Variants in AFF4 observed in about 807,000 individuals in gnomAD.
AFF4 encodes ALF transcription elongation factor 4.
In AFF4, 13 loss-of-function variants were observed where a neutral mutation model predicts 124.8. That is an observed-to-expected ratio of 0.10 (90% confidence interval 0.07 to 0.17). The LOEUF (loss-of-function observed/expected upper bound fraction) is 0.17, where lower values mean the gene tolerates loss of function less well. Ranked by LOEUF, AFF4 falls within the 10% of genes least tolerant of loss-of-function variation. The pLI is 1.00. For missense variants in AFF4, 1,092 were observed against 1,403.8 expected, an observed-to-expected ratio of 0.78 and a Z score of 3.55; for synonymous variants, 477 against 496.1, an observed-to-expected ratio of 0.96 and a Z score of 0.51.
rs750031934 is a variant in AFF4, at chr5:132,932,226, G to C, written c.919-4C>G. The C allele has an allele frequency of 2.7e-5, 43 of 1,604,694 alleles. No homozygotes were observed. The highest frequency in any genetic ancestry group is 3.3e-5 in the Non-Finnish European group (39 of 1,176,390). On this transcript the variant is annotated splice_polypyrimidine_tract_variant and splice_region_variant and intron_variant, in intron 3 of 20. Coordinates refer to ENST00000265343, the MANE Select transcript of AFF4 (RefSeq NM_014423.4). ...TCACATCACCAGAAGCTGATGCCTTGAAAGAAAAAGCAGCACACATTAGAT... is the reference window on the plus strand; with the variant it reads ...TCACATCACCAGAAGCTGATGCCTTCAAAGAAAAAGCAGCACACATTAGAT...
Position 132,934,288 on chromosome 5 carries a change from G to A in AFF4, c.777C>T (p.Pro259=), listed in dbSNP as rs200345107. 4.5e-5 allele frequency: 73 copies of A among 1,614,176 alleles called. No individual in the cohort carries two copies. The East Asian group carries it at 1.6e-3, about 35-fold the overall frequency. ...MLQKPTAYVR[P]MDGQESMEPK... ...GTTCCATGGACTCCTGTCCGTCCATGGGCCGCACATAGGCAGTGGGTTTCT... is the reference window on the plus strand; with the variant it reads ...GTTCCATGGACTCCTGTCCGTCCATAGGCCGCACATAGGCAGTGGGTTTCT... Residue 259 remains proline (P), a synonymous_variant, in exon 3 of 21, where the codon CCC becomes CCT. Coordinates refer to ENST00000265343, the MANE Select transcript of AFF4 (RefSeq NM_014423.4).
chr5:132,947,939 A>G (rs1000760199), intron 1 of AFF4, among the ~76,000 whole-genome samples: 1 of 152,258 alleles, frequency 6.6e-6, no homozygotes, highest in African/African-American at 2.4e-5. Context: ...ACGTGAAAAC[A>G]AAGATAACAA....
Position 132,937,093 on chromosome 5 carries a change from G to C in AFF4, c.97C>G (p.Pro33Ala). The change falls in exon 2 of 21, where the codon CCT becomes GCT. Residue 33 changes from proline (P) to alanine (A), a missense_variant. Transcript: ENST00000265343. ...ACTTTGTATGGCTCTGCAAAGAGAG[G>C]AGAGCTAGGTGGGAAGGCGTCTTCG... is the stretch of plus-strand genomic sequence containing the variant. ...QGEDAFPPSS[P>A]LFAEPYKVTS... 1 of 1,613,562 alleles carries C rather than the reference G, an allele frequency of 6.2e-7. No individual in the cohort carries two copies. Among genetic ancestry groups the C allele is most frequent in the Non-Finnish European group, 8.5e-7 (1 of 1,179,824 alleles).
chr5:132,893,233 G>C, intron 11 of AFF4, 115 bp from the exon 12 acceptor site: 1 of 849,536 alleles, frequency 1.2e-6, no homozygotes, highest in Non-Finnish European at 1.9e-6. Flanking sequence ...AGATAAAAGA[G>C]AAGTACTATA....
intron 1 of AFF4, chr5:132,942,990 C>A: frequency 4.6e-6 from 1 of 215,494 alleles, no homozygotes; most frequent in South Asian, 8.2e-5. Context: ...AAACTGAAAG[C>A]TGAGTGTGAG....
At chr5:132,926,861 T>C (rs1334817280) in intron 5 of AFF4, 4 of 342,260 alleles carry the variant, frequency 1.2e-5, no homozygotes, top group Non-Finnish European at 2.2e-5. Flanking sequence ...TGTCCGGCTG[T>C]ATTAATGTCT....
intron 1 of AFF4, among the ~76,000 whole-genome samples, chr5:132,952,662 G>A (rs547551464): frequency 9.2e-5 from 14 of 152,214 alleles, no homozygotes; most frequent in Non-Finnish European, 1.9e-4. Flanking sequence ...GGGAGGCCAA[G>A]GCAGGCAGAT....
intron 4 of AFF4, among the ~76,000 whole-genome samples, chr5:132,931,602 TGGCTTGTTAATGTTTTCCA>T (rs1466905027): frequency 6.6e-6 from 1 of 152,244 alleles, no homozygotes; most frequent in Non-Finnish European, 1.5e-5. Context: ...CAGTTATAAT[TGGCTTGTTAATGTTTTCCA>T]GGCAAAGTAA....
Position 132,927,176 on chromosome 5 carries a change from G to A in AFF4, c.995C>T (p.Thr332Met), listed in dbSNP as rs377650855. The change falls in exon 5 of 21, where the codon ACG (threonine) becomes ATG (methionine). Residue 332 changes from threonine to methionine, a missense_variant. Around this residue, in one of 11 missense-constraint regions of AFF4, gnomAD observed 148 missense variants for 196.3 expected, o/e 0.75. Coordinates refer to ENST00000265343, the MANE Select transcript of AFF4 (RefSeq NM_014423.4). ...EMTHSWPPPLTAIHTPCKTEP... is the reference protein window; with the variant it reads ...EMTHSWPPPLMAIHTPCKTEP... Reference sequence around the variant, plus strand: ...TGTTTTGCATGGTGTATGAATAGCCGTTAGAGGGGGAGGCCATGAATGCGT... The same window carrying A: ...TGTTTTGCATGGTGTATGAATAGCCATTAGAGGGGGAGGCCATGAATGCGT... 7 of 1,611,158 alleles carry A rather than the reference G, an allele frequency of 4.3e-6. No homozygotes were observed. The highest frequency in any genetic ancestry group is 5.1e-6 in the Non-Finnish European group (6 of 1,179,080).
At chr5:132,920,854 G>T (rs773267870) in intron 5 of AFF4, among the ~76,000 whole-genome samples, 1 of 151,994 alleles carries the variant, frequency 6.6e-6, no homozygotes, top group African/African-American at 2.4e-5. Context: ...CAGGCCGGGC[G>T]CAGTGGCTCA....
chr5:132,918,097 A>T (rs1054389925), intron 5 of AFF4, among the ~76,000 whole-genome samples: 1 of 152,022 alleles, frequency 6.6e-6, no homozygotes, highest in Admixed American at 6.6e-5. Flanking sequence ...AATAGCACTA[A>T]AAAAATCAAA....
At chr5:132,922,401 G>A (rs1168252468) in intron 5 of AFF4, among the ~76,000 whole-genome samples, 4 of 151,584 alleles carry the variant, frequency 2.6e-5, no homozygotes, top group African/African-American at 9.7e-5. Flanking sequence ...CTGGACAACA[G>A]AGACCTTGTC....
chr5:132,884,779 C>T (rs1381179608), intron 19 of AFF4, among the ~76,000 whole-genome samples: 2 of 152,066 alleles, frequency 1.3e-5, no homozygotes, highest in South Asian at 4.1e-4. Context: ...TAAAGATAAG[C>T]CTGCTGTGAT....
chr5:132,923,361 AG>A (rs1363157406), intron 5 of AFF4, among the ~76,000 whole-genome samples: 3 of 95,292 alleles, frequency 3.1e-5, no homozygotes, highest in African/African-American at 1.3e-4. Flanking sequence ...AAAGAAAGAA[AG>A]GAAAGAAAGG....
rs1171064249 is a variant in AFF4, at chr5:132,887,994, A to C, written c.2797-12T>G. ...TCAAACCTATCAGACTGAAGAAAGG[A>C]GAATGCAAGTAATGAGTAATGATCT... On this transcript the variant is annotated splice_polypyrimidine_tract_variant and intron_variant, in intron 15 of 20. Transcript: ENST00000265343. 4 of 1,612,760 alleles carry C rather than the reference A, an allele frequency of 2.5e-6. No individual in the cohort carries two copies. The highest frequency in any genetic ancestry group is 2.5e-6 in the Non-Finnish European group (3 of 1,179,548).
intron 5 of AFF4, among the ~76,000 whole-genome samples, chr5:132,914,095 G>C (rs978108103): frequency 6.6e-6 from 1 of 151,942 alleles, no homozygotes; most frequent in African/African-American, 2.4e-5. Context: ...AGGCATGGTA[G>C]TGTATGCTTG....
At chr5:132,883,662 A>C (rs1254195071) in intron 19 of AFF4, 102 bp from the exon 20 acceptor site, 1 of 1,055,246 alleles carries the variant, frequency 9.5e-7, no homozygotes, top group Non-Finnish European at 1.4e-6. Flanking sequence ...AAATGTAAAG[A>C]TTCTCTTAAA....
intron 5 of AFF4, among the ~76,000 whole-genome samples, chr5:132,913,594 C>A (rs1760842858): frequency 6.6e-6 from 1 of 152,100 alleles, no homozygotes; most frequent in Non-Finnish European, 1.5e-5. Flanking sequence ...CAGGTGCCCA[C>A]CACCGTGCCC....
intron 1 of AFF4, among the ~76,000 whole-genome samples, chr5:132,950,107 C>T (rs895767933): frequency 6.6e-5 from 10 of 150,440 alleles, no homozygotes; most frequent in African/African-American, 2.4e-4. Context: ...CGAGGCAGGC[C>T]GATCACGAGG....
Sources: allele counts gnomAD v4.1 joint callset (sites outside exome capture counted in the v4.1 genomes callset), GRCh38; gene constraint gnomAD v4.1.1; regional missense constraint gnomAD v4.1.1; transcripts MANE v1.5; gene names NCBI Gene and HGNC (gene_info 2026-07-23, HGNC 2026-07-21).